Variants in GLG1 observed in about 807,000 individuals in gnomAD.
GLG1 encodes golgi glycoprotein 1.
In GLG1, 38 loss-of-function variants were observed where a neutral mutation model predicts 160.5. The ratio of observed to expected loss-of-function variants is 0.24; its 90% CI spans 0.18 to 0.31. The LOEUF is 0.31. Among genes scored for constraint, GLG1 ranks in the 10% least tolerant of loss-of-function variants. GLG1 has a pLI of 1.00. For missense variants in GLG1, 1,373 were observed against 1,505.2 expected (o/e 0.91, Z 1.45); for synonymous variants, 644 against 543.4 (o/e 1.19, Z -2.57).
At chr16:74,556,868 C>T (rs2018369473) in intron 1 of GLG1, among the ~76,000 whole-genome samples, 1 of 151,424 alleles carries the variant, frequency 6.6e-6, no homozygotes, top group Non-Finnish European at 1.5e-5. Context: ...TGTTTACAGA[C>T]TATTTCCATA....
At chr16:74,507,566 T>C (rs1342301149) in intron 3 of GLG1, among the ~76,000 whole-genome samples, 1 of 152,104 alleles carries the variant, frequency 6.6e-6, no homozygotes, top group Non-Finnish European at 1.5e-5. Context: ...CAAAACCCTG[T>C]CTCTACTAAA....
intron 21 of GLG1, 113 bp downstream of exon 21, chr16:74,462,375 G>C (rs977060349): frequency 6.8e-6 from 7 of 1,022,278 alleles, no homozygotes; most frequent in Non-Finnish European, 8.9e-6. Flanking sequence ...GGTTCGGGAA[G>C]ATATGAAAAA....
chr16:74,476,013 C>T (rs2015379900), intron 12 of GLG1, among the ~76,000 whole-genome samples: 1 of 151,974 alleles, frequency 6.6e-6, no homozygotes, highest in African/African-American at 2.4e-5. Context: ...GAAACCCTGT[C>T]TCTACTAAAA....
intron 4 of GLG1, among the ~76,000 whole-genome samples, chr16:74,503,184 G>T (rs538058503): frequency 5.3e-5 from 8 of 151,966 alleles, no homozygotes; most frequent in African/African-American, 1.9e-4. Context: ...TCCAGCCTGG[G>T]AAACAGAGGG....
At position 74,511,599 on chromosome 16, in the gene GLG1, A is replaced by AAG. The variant is rs564704128; in HGVS notation, c.472-2675_472-2674insCT. Among the ~76,000 whole-genome samples the AAG allele has an allele frequency of 1.8e-3, 269 of 146,590 alleles. 5 individuals are homozygous for AAG. In the East Asian group the frequency reaches 0.042, roughly 23 times the overall value. On this transcript the variant is annotated intron_variant, in intron 2 of 25. Coordinates refer to ENST00000422840, the MANE Select transcript of GLG1 (RefSeq NM_001145667.2). Reference sequence around the variant, plus strand: ...CCTTTTTTTTTTAAAAAAAAAAAAAAAAAGAAAGAAAGAAAGAAAGAAAAG... The same window carrying AAG: ...CCTTTTTTTTTTAAAAAAAAAAAAAAAGAAAGAAAGAAAGAAAGAAAGAAAAG...
chr16:74,510,328 G>A (rs1426650204), intron 2 of GLG1, among the ~76,000 whole-genome samples: 1 of 152,166 alleles, frequency 6.6e-6, no homozygotes, highest in African/African-American at 2.4e-5. Flanking sequence ...ACTGCACCCA[G>A]CCCATAAGGT....
intron 2 of GLG1, among the ~76,000 whole-genome samples, chr16:74,512,176 TCAGACGGA>T: frequency 6.7e-6 from 1 of 148,554 alleles, no homozygotes. Flanking sequence ...TTTTTTTTTC[TCAGACGGA>T]GTCTTGCTCT....
At chr16:74,541,463 A>G (rs900037856) in intron 1 of GLG1, among the ~76,000 whole-genome samples, 2 of 152,200 alleles carry the variant, frequency 1.3e-5, no homozygotes, top group Non-Finnish European at 2.9e-5. Context: ...CTGGAATAAC[A>G]GCCAAAGACT....
In GLG1 at chr16:74,494,817, C is replaced by T; in HGVS notation, c.993G>A (p.Glu331=). ...TAAAGAGGCACTTATACACTCTGCCCTCACCAGCTTGTGTCTATAAGATGG... is the reference window on the plus strand; with the variant it reads ...TAAAGAGGCACTTATACACTCTGCCTTCACCAGCTTGTGTCTATAAGATGG... ...ERFCENTQAG[E]GRVYKCLFNH... is the part of the protein sequence containing the mutation. Residue 331 remains glutamate (E), a synonymous_variant, in exon 6 of 26, where the codon GAG becomes GAA. Transcript: ENST00000422840. 5 of 1,489,840 alleles carry T rather than the reference C, an allele frequency of 3.4e-6. No homozygotes were observed. The highest frequency in any genetic ancestry group is 2.8e-6 in the Non-Finnish European group (3 of 1,067,128). The allele number at this position is 1,489,840 out of a possible 1,614,324, so 92.3% of individuals were successfully genotyped here. A position where few individuals can be genotyped will look rare whatever the true frequency, so the allele number is the denominator to read the frequency against.
chr16:74,480,969 G>T (rs1336123655), intron 10 of GLG1, among the ~76,000 whole-genome samples: 1 of 152,166 alleles, frequency 6.6e-6, no homozygotes, highest in Non-Finnish European at 1.5e-5. Context: ...CTCTCTCAAA[G>T]ATATCTTGGC....
intron 14 of GLG1, 47 bp from the exon 15 acceptor site, chr16:74,471,333 A>G: frequency 9.3e-7 from 1 of 1,078,176 alleles, no homozygotes. Flanking sequence ...ACAATTAATG[A>G]ACAAAACTTG....
chr16:74,526,484 G>T (rs2017337514), intron 2 of GLG1, among the ~76,000 whole-genome samples: 1 of 146,160 alleles, frequency 6.8e-6, no homozygotes, highest in Non-Finnish European at 1.5e-5. Context: ...AACACTTTGT[G>T]AGGCTGAGAA....
intron 4 of GLG1, among the ~76,000 whole-genome samples, chr16:74,502,824 C>G (rs1308220100): frequency 6.7e-6 from 1 of 150,030 alleles, no homozygotes; most frequent in Non-Finnish European, 1.5e-5. Context: ...CCCACCTCAG[C>G]CTCCCAAAGT....
chr16:74,600,221 G>A (rs914773519), intron 1 of GLG1, among the ~76,000 whole-genome samples: 1 of 152,002 alleles, frequency 6.6e-6, no homozygotes, highest in Non-Finnish European at 1.5e-5. Flanking sequence ...AAATTCATGA[G>A]TTCACGTATA....
intron 1 of GLG1, among the ~76,000 whole-genome samples, chr16:74,570,055 T>C (rs2018784211): frequency 6.6e-6 from 1 of 151,878 alleles, no homozygotes; most frequent in East Asian, 1.9e-4. Flanking sequence ...AACAATAGTT[T>C]TGAAATTTTT....
chr16:74,468,176 G>A (rs115522060), intron 17 of GLG1: 34 of 167,214 alleles, frequency 2.0e-4, no homozygotes, highest in African/African-American at 6.4e-4. Context: ...TTACTTTAAT[G>A]AAAGAGCTAG....
intron 1 of GLG1, among the ~76,000 whole-genome samples, chr16:74,588,679 A>G (rs929012628): frequency 1.2e-4 from 18 of 152,160 alleles, no homozygotes; most frequent in African/African-American, 4.1e-4. Flanking sequence ...TTAGCCTCCC[A>G]AAGTGCTCGG....
intron 14 of GLG1, among the ~76,000 whole-genome samples, chr16:74,471,546 G>T (rs1258532908): frequency 1.3e-5 from 2 of 152,012 alleles, no homozygotes; most frequent in African/African-American, 4.8e-5. Context: ...CTGGCTTTTG[G>T]GACAATATCT....
chr16:74,579,527 G>C (rs1957891967), intron 1 of GLG1, among the ~76,000 whole-genome samples: 1 of 150,930 alleles, frequency 6.6e-6, no homozygotes, highest in African/African-American at 2.4e-5. Context: ...TTCGAGACCA[G>C]CCTGGCCAAC....
Sources: gnomAD v4.1 joint callset for allele counts (sites outside exome capture counted in the v4.1 genomes callset) on GRCh38, gnomAD v4.1.1 for gene constraint, MANE v1.5 for transcripts, NCBI Gene and HGNC (gene_info 2026-07-23, HGNC 2026-07-21) for gene names.